The following TNFRSF11A variants were observed in gnomAD, a reference collection of about 807,000 sequenced individuals.
TNFRSF11A encodes the protein tumor necrosis factor receptor superfamily member 11A.
TNFRSF11A carries 32 observed loss-of-function variants against 55.7 expected under a neutral mutation model. The observed-to-expected ratio is 0.57, with a 90% CI of 0.43 to 0.77. The LOEUF (loss-of-function observed/expected upper bound fraction) is 0.77. Ranked by LOEUF, TNFRSF11A falls within the 30% of genes least tolerant of loss-of-function variation. TNFRSF11A has a pLI of 0.00. For missense variants in TNFRSF11A, 753 were observed against 809.8 expected, an observed-to-expected ratio of 0.93 and a Z score of 0.85; for synonymous variants, 311 against 331.0, an observed-to-expected ratio of 0.94 and a Z score of 0.65.
At chr18:62,347,973 C>T (rs993355018) in intron 1 of TNFRSF11A, among the ~76,000 whole-genome samples, 195 bp from the exon 2 acceptor site, 3 of 150,416 alleles carry the variant, frequency 2.0e-5, no homozygotes, top group South Asian at 2.1e-4. Context: ...GTAGGAGAAT[C>T]GCTTGAGCCT....
chr18:62,334,373 A>G (rs868772720), intron 1 of TNFRSF11A, among the ~76,000 whole-genome samples: 34 of 152,212 alleles, frequency 2.2e-4, no homozygotes, highest in Admixed American at 4.6e-4. Flanking sequence ...GAGTTAGACT[A>G]TACCGTACCA....
chr18:62,338,065 C>T (rs563563093), intron 1 of TNFRSF11A, among the ~76,000 whole-genome samples: 94 of 152,310 alleles, frequency 6.2e-4, no homozygotes, highest in African/African-American at 2.0e-3. Flanking sequence ...AAAGATGCTC[C>T]ACCTCATTAG....
intron 8 of TNFRSF11A, among the ~76,000 whole-genome samples, chr18:62,367,036 G>A (rs745475050): frequency 6.6e-5 from 10 of 152,210 alleles, no homozygotes; most frequent in African/African-American, 9.7e-5. Context: ...TTTTAATAGA[G>A]ACAGGGCTTC....
At chr18:62,373,684 C>T (rs936530454) in intron 9 of TNFRSF11A, among the ~76,000 whole-genome samples, 1 of 152,154 alleles carries the variant, frequency 6.6e-6, no homozygotes, top group Non-Finnish European at 1.5e-5. Context: ...AGGGCCGGCA[C>T]TGGCTGCCCT....
chr18:62,361,565 T>C (rs1474350937), intron 6 of TNFRSF11A, 115 bp from the exon 7 acceptor site: 16 of 1,013,430 alleles, frequency 1.6e-5, no homozygotes, highest in Non-Finnish European at 2.2e-5. Context: ...CTGTCACTTC[T>C]GCTATCCCAG....
chr18:62,326,880 A>C (rs2046083495), intron 1 of TNFRSF11A, among the ~76,000 whole-genome samples: 1 of 152,206 alleles, frequency 6.6e-6, no homozygotes, highest in Non-Finnish European at 1.5e-5. Context: ...CCACGAATTC[A>C]ATTGATATAA....
chr18:62,375,076 TG>T (rs1910797767), intron 9 of TNFRSF11A, among the ~76,000 whole-genome samples: 1 of 61,966 alleles, frequency 1.6e-5, no homozygotes, highest in Admixed American at 1.9e-4. Flanking sequence ...TGCTAATTTT[TG>T]TGTGTGTGTT....
intron 4 of TNFRSF11A, among the ~76,000 whole-genome samples, chr18:62,355,769 A>G (rs1443146018): frequency 1.3e-5 from 2 of 152,194 alleles, no homozygotes; most frequent in South Asian, 2.1e-4. Flanking sequence ...CAATTCATAT[A>G]TTTGTGGCTA....
chr18:62,369,223 G>GCCAGCC lies in TNFRSF11A; in HGVS notation c.1316_1321dup (p.Ser439_Pro440dup), dbSNP rs1339968453. 6.2e-7 allele frequency: 1 copy of GCCAGCC among 1,613,682 alleles called. No individual in the cohort carries two copies. The highest frequency in any genetic ancestry group is 8.5e-7 in the Non-Finnish European group (1 of 1,180,030). Reference sequence around the variant, plus strand: ...CAGTGGCCATTGCCCGCACTGGGCAGCCAGCCCCAGCCCCAACTGGGCAGA... The same window carrying GCCAGCC: ...CAGTGGCCATTGCCCGCACTGGGCAGCCAGCCCCAGCCCCAGCCCCAACTGGGCAGA... On this transcript the variant is annotated inframe_insertion, in exon 9 of 10. Transcript: ENST00000586569.
At chr18:62,345,143 C>G (rs563599956) in intron 1 of TNFRSF11A, among the ~76,000 whole-genome samples, 1 of 152,294 alleles carries the variant, frequency 6.6e-6, no homozygotes, top group South Asian at 2.1e-4. Flanking sequence ...GTTGCTGGAA[C>G]TGAGGCATGA....
At chr18:62,330,922 T>G (rs1268509701) in intron 1 of TNFRSF11A, 1 of 152,160 alleles carries the variant, frequency 6.6e-6, no homozygotes, top group Non-Finnish European at 1.5e-5. Context: ...AAAAATAAAA[T>G]AAGGCCGGGT....
rs7238731 is a variant in TNFRSF11A at position 62,325,314 on chromosome 18, G to A, written c.-39G>A. On this transcript the variant is annotated 5_prime_UTR_variant, in exon 1 of 10. Transcript: ENST00000586569. The surrounding 1 kb of genome is among the most constrained non-coding windows in gnomAD (Gnocchi z 4.7). ...CAGCCGCGCCCGCTGGGCCACAGAG[G>A]CCGCTGAGGCCGCGGCGCCCGCCAG... 0.26 allele frequency: 252,503 copies of A among 964,284 alleles called. 34,255 individuals are homozygous for A. Among genetic ancestry groups the A allele is most frequent in the African/African-American group, 0.34 (19,122 of 56,148 alleles). 59.7% of individuals were successfully genotyped at this position (964,284 alleles called of 1,614,324 possible). A position where few individuals can be genotyped will look rare whatever the true frequency, so the allele number is the denominator to read the frequency against.
intron 7 of TNFRSF11A, among the ~76,000 whole-genome samples, chr18:62,366,255 A>C (rs1455119172): frequency 6.6e-6 from 1 of 152,258 alleles, no homozygotes; most frequent in Non-Finnish European, 1.5e-5. Context: ...CCTGATAGAG[A>C]AATAAAAATC....
chr18:62,352,715 G>A (rs1037612283), intron 3 of TNFRSF11A, among the ~76,000 whole-genome samples: 1 of 152,202 alleles, frequency 6.6e-6, no homozygotes. Flanking sequence ...ATGTGTTGTG[G>A]ACATGTTTTT....
At chr18:62,361,641 A>T (rs1272473171) in intron 6 of TNFRSF11A, 39 bp from the exon 7 acceptor site, 1 of 1,556,002 alleles carries the variant, frequency 6.4e-7, no homozygotes, top group Non-Finnish European at 8.9e-7. Flanking sequence ...AAAATTAAAG[A>T]ATCTTTACTA....
At position 62,364,331 on chromosome 18, in the gene TNFRSF11A, G is replaced by A. The variant is rs368264899; in HGVS notation, c.731-2377G>A. Among the ~76,000 whole-genome samples, 19 of 152,248 alleles carry A rather than the reference G, an allele frequency of 1.2e-4. No homozygotes were observed. In the South Asian group the frequency reaches 3.9e-3, roughly 32 times the overall value. On this transcript the variant is annotated intron_variant, in intron 7 of 9. Transcript: ENST00000586569. ...GAAAGCCAGGGACCAAGTGGAAGAT[G>A]AGGCTGGAGAGGAGGGCATGGCGAG...
chr18:62,342,690 A>T (rs541366684), intron 1 of TNFRSF11A, among the ~76,000 whole-genome samples: 2 of 152,220 alleles, frequency 1.3e-5, no homozygotes, highest in Non-Finnish European at 2.9e-5. Context: ...CAGGAATGAT[A>T]GCCCAGAACA....
intron 9 of TNFRSF11A, among the ~76,000 whole-genome samples, chr18:62,374,618 C>G (rs556158704): frequency 6.6e-6 from 1 of 152,224 alleles, no homozygotes; most frequent in African/African-American, 2.4e-5. Flanking sequence ...ACATAATAAG[C>G]TTTTGAGAAG....
chr18:62,339,261 G>A (rs995816946), intron 1 of TNFRSF11A, among the ~76,000 whole-genome samples: 10 of 151,942 alleles, frequency 6.6e-5, no homozygotes, highest in Admixed American at 1.3e-4. Context: ...CAGGCTCTCC[G>A]CCTGCACCTG....
Sources: gnomAD v4.1 joint callset for allele counts (sites outside exome capture counted in the v4.1 genomes callset) on GRCh38, gnomAD v4.1.1 for gene constraint, Gnocchi (gnomAD v3.1) non-coding constraint, MANE v1.5 for transcripts, NCBI Gene and HGNC (gene_info 2026-07-23, HGNC 2026-07-21) for gene names.